Variants in DMD observed in about 807,000 individuals in gnomAD.
DMD encodes dystrophin.
In DMD, 63 loss-of-function variants were observed where a neutral mutation model predicts 330.1. The ratio of observed to expected loss-of-function variants is 0.19; its 90% CI spans 0.16 to 0.24. The LOEUF (loss-of-function observed/expected upper bound fraction) is 0.24, where lower values mean the gene tolerates loss of function less well. Among genes scored for constraint, DMD ranks in the 10% least tolerant of loss-of-function variants. The pLI, the probability that DMD is intolerant of heterozygous loss-of-function variation, is 1.00. For synonymous variants in DMD, 1,223 were observed against 959.8 expected (o/e 1.27, Z -5.07); for missense variants, 3,344 against 2,684.1 (o/e 1.25, Z -5.43).
chrX:32,355,317 A>G (rs1444296122), intron 37 of DMD, among the ~76,000 whole-genome samples: 4 of 111,158 alleles, frequency 3.6e-5, no homozygotes, highest in African/African-American at 1.3e-4. Context: ...TGCTAACCAC[A>G]CTGTCTAACT....
chrX:31,324,628 C>T (rs11796050), intron 61 of DMD, among the ~76,000 whole-genome samples: 9,961 of 110,980 alleles, frequency 0.09, 396 homozygotes, highest in Non-Finnish European at 0.12. Context: ...AAATAAAAGA[C>T]GCATTCTTAT....
At position 32,328,335 on chromosome X, in the gene DMD, T is replaced by C. The variant is rs149425370; in HGVS notation, c.5922+13765A>G. 1.2e-3 allele frequency among the ~76,000 whole-genome samples: 132 copies of C among 111,512 alleles called. 1 individual carries two copies. The East Asian group carries it at 0.034, about 29-fold the overall frequency. ...ATGAAAATATTTATACACAAGAAAA[T>C]ACCATTTTGGTACCTTTATTATTTG... On this transcript the variant is annotated intron_variant, in intron 41 of 78. Transcript: ENST00000357033.
At chrX:32,421,706 C>A (rs73467623) in intron 29 of DMD, among the ~76,000 whole-genome samples, 2,327 of 111,917 alleles carry the variant, frequency 0.021, 64 homozygotes, top group African/African-American at 0.072. Context: ...GGCATCTTCT[C>A]ATCGTCTATA....
intron 60 of DMD, among the ~76,000 whole-genome samples, chrX:31,404,407 C>T (rs187864923): frequency 0.029 from 3,199 of 110,989 alleles, 114 homozygotes; most frequent in African/African-American, 0.098. Context: ...TATATATTTT[C>T]TCTTTACAAC....
At chrX:32,043,791 T>A (rs893235355) in intron 44 of DMD, among the ~76,000 whole-genome samples, 1 of 112,175 alleles carries the variant, frequency 8.9e-6, no homozygotes, top group African/African-American at 3.2e-5. Context: ...GCCCATGTAT[T>A]TTAATCATTA....
chrX:32,389,713 C>T (rs72468643), intron 31 of DMD, 39 bp from the exon 32 acceptor site: 19 of 1,146,889 alleles, frequency 1.7e-5, no homozygotes, highest in Non-Finnish European at 2.0e-5. Context: ...TTTAATTTTG[C>T]CTTTCAAACA....
At chrX:32,474,171 T>C (rs193122089) in intron 21 of DMD, among the ~76,000 whole-genome samples, 112 of 109,779 alleles carry the variant, frequency 1.0e-3, no homozygotes, top group African/African-American at 3.5e-3. Context: ...TTCATTTTTA[T>C]GACTGAGTAG....
At chrX:33,161,570 C>A (rs2048773431) in intron 1 of DMD, among the ~76,000 whole-genome samples, 1 of 111,029 alleles carries the variant, frequency 9.0e-6, no homozygotes. Flanking sequence ...AACCAGGAAT[C>A]GAGCCCACCT....
chrX:32,780,881 G>C lies in DMD; in HGVS notation c.649+28612C>G, dbSNP rs184834672. Among the ~76,000 whole-genome samples the C allele has an allele frequency of 8.4e-3, 918 of 108,762 alleles. 15 individuals are homozygous for C. Among genetic ancestry groups the C allele is most frequent in the African/African-American group, 0.029 (860 of 29,847 alleles). 94.4% of individuals were successfully genotyped at this position (108,762 alleles called of 115,157 possible). ...CCGAGGCGGGCAGATCACGAGGTCA[G>C]GAGATCGAGACCATCCTGGCTAACA... On this transcript the variant is annotated intron_variant, in intron 7 of 78. Transcript: ENST00000357033.
At chrX:32,038,152 T>C (rs943436880) in intron 44 of DMD, among the ~76,000 whole-genome samples, 1 of 111,590 alleles carries the variant, frequency 9.0e-6, no homozygotes, top group Non-Finnish European at 1.9e-5. Flanking sequence ...CTAGGGCAAA[T>C]CTAGGGAGGA....
intron 33 of DMD, among the ~76,000 whole-genome samples, chrX:32,385,974 A>G (rs1445371988): frequency 2.7e-5 from 3 of 110,345 alleles, no homozygotes; most frequent in Non-Finnish European, 5.7e-5. Flanking sequence ...AGGAACACTT[A>G]CAACTAAGAA....
At chrX:31,220,081 T>G (rs1158774254) in intron 64 of DMD, among the ~76,000 whole-genome samples, 1 of 111,730 alleles carries the variant, frequency 9.0e-6, no homozygotes, top group Non-Finnish European at 1.9e-5. Flanking sequence ...GGCTATCCCA[T>G]ACAGCCTAGG....
chrX:32,033,758 C>T (rs1485230395), intron 44 of DMD, among the ~76,000 whole-genome samples: 2 of 111,191 alleles, frequency 1.8e-5, no homozygotes, highest in Non-Finnish European at 3.8e-5. Context: ...ATGTCCATAT[C>T]ATTATGATTG....
At chrX:32,018,669 A>G (rs953840393) in intron 44 of DMD, among the ~76,000 whole-genome samples, 5 of 111,497 alleles carry the variant, frequency 4.5e-5, no homozygotes, top group African/African-American at 1.6e-4. Flanking sequence ...TTCGGCATAT[A>G]TAGTTCCAGA....
rs935825311 is a variant in DMD, at chrX:32,182,004, A to T, written c.6438+34912T>A. 3.6e-5 allele frequency among the ~76,000 whole-genome samples: 4 copies of T among 112,259 alleles called. No homozygotes were observed. The East Asian group carries it at 8.4e-4, about 24-fold the overall frequency. On this transcript the variant is annotated intron_variant, in intron 44 of 78. Transcript: ENST00000357033. The stretch of plus-strand genomic sequence containing the variant: ...CATTTAATTTCCAGTTTCGCATTTT[A>T]ATCTTTGAAAATAGCCTAGCCACAG...
At chrX:32,757,036 A>T (rs1321846605) in intron 7 of DMD, among the ~76,000 whole-genome samples, 1 of 110,844 alleles carries the variant, frequency 9.0e-6, no homozygotes, top group African/African-American at 3.3e-5. Context: ...GATTAGCTCC[A>T]TTTTTTTTCT....
chrX:33,315,505 CGATGTGTGT>C (rs990034699), intron 1 of DMD, among the ~76,000 whole-genome samples: 14 of 112,110 alleles, frequency 1.2e-4, no homozygotes, highest in African/African-American at 3.9e-4. Context: ...GTTGGCAATA[CGATGTGTGT>C]GTTGTCACAC....
At chrX:33,169,907 T>C (rs2049250524) in intron 1 of DMD, among the ~76,000 whole-genome samples, 2 of 110,537 alleles carry the variant, frequency 1.8e-5, no homozygotes, top group South Asian at 3.8e-4. Context: ...CAATACAACG[T>C]AGTACAGAGG....
At chrX:31,902,471 T>C (rs185350377) in intron 47 of DMD, among the ~76,000 whole-genome samples, 1 of 111,702 alleles carries the variant, frequency 9.0e-6, no homozygotes, top group East Asian at 2.8e-4. Context: ...TGAGCTAATG[T>C]ATAGGAAATA....
Sources: allele counts gnomAD v4.1 joint callset (sites outside exome capture counted in the v4.1 genomes callset), GRCh38; gene constraint gnomAD v4.1.1; transcripts MANE v1.5; gene names NCBI Gene and HGNC (gene_info 2026-07-23, HGNC 2026-07-21).